Variants in DOCK9 observed in about 807,000 individuals in gnomAD.
DOCK9 encodes dedicator of cytokinesis protein 9.
DOCK9 carries 89 observed loss-of-function variants against 263.3 expected under a neutral mutation model. The observed-to-expected ratio is 0.34, with a 90% CI of 0.28 to 0.40. The LOEUF is 0.40. DOCK9 is among the 10% of genes least tolerant of loss of function. DOCK9 has a pLI of 1.00. For missense variants in DOCK9, 2,140 were observed against 2,603.4 expected (o/e 0.82, Z 3.87); for synonymous variants, 976 against 973.1 (o/e 1.00, Z -0.06).
intron 1 of DOCK9, among the ~76,000 whole-genome samples, chr13:98,968,418 C>T (rs757301026): frequency 6.6e-6 from 1 of 151,988 alleles, no homozygotes; most frequent in Admixed American, 6.6e-5. Context: ...GCCAAGAGTT[C>T]GAGACCAGAC....
intron 23 of DOCK9, among the ~76,000 whole-genome samples, chr13:98,882,698 C>T (rs1043544514): frequency 2.6e-5 from 4 of 152,200 alleles, no homozygotes; most frequent in Non-Finnish European, 5.9e-5. Context: ...CTACAATGAA[C>T]TAGAAGTTCC....
chr13:98,804,863 T>A, intron 49 of DOCK9, 136 bp downstream of exon 49: 1 of 781,824 alleles, frequency 1.3e-6, no homozygotes, highest in Non-Finnish European at 2.0e-6. Context: ...ACTAGATAAA[T>A]GTGAAACTGA....
At chr13:99,086,502 G>T in exon 1 of DOCK9, 1 of 365,744 alleles carries the variant, frequency 2.7e-6, no homozygotes, top group Non-Finnish European at 3.8e-6. Context: ...CGCGAGTCCG[G>T]CCGCCGCAGC....
intron 20 of DOCK9, 172 bp downstream of exon 20, chr13:98,885,536 T>A (rs375820565): frequency 6.1e-5 from 29 of 478,296 alleles, no homozygotes; most frequent in Admixed American, 1.3e-4. Context: ...GCTCAAAAAT[T>A]AAAAAAAAAA....
chr13:98,901,849 T>C lies in DOCK9; in HGVS notation c.1432A>G (p.Ile478Val), dbSNP rs1364714445. The C allele has an allele frequency of 6.2e-7, 1 of 1,612,878 alleles. No individual in the cohort carries two copies. Among genetic ancestry groups the C allele is most frequent in the African/African-American group, 1.3e-5 (1 of 74,934 alleles). ...ATGCTCCCCTGAAGGACTTTTTCAATTCTGGCCACAAGAAATATATCTGGA... is the reference window on the plus strand; with the variant it reads ...ATGCTCCCCTGAAGGACTTTTTCAACTCTGGCCACAAGAAATATATCTGGA... ...PHPDIFLVAR[I>V]EKVLQGSITH... The change falls in exon 13 of 53, where the codon ATT (isoleucine) becomes GTT (valine). Residue 478 changes from isoleucine to valine, a missense_variant. By Grantham distance (29) the Ile-to-Val change is conservative (BLOSUM62 3). Coordinates refer to ENST00000682017, the MANE Select transcript of DOCK9 (RefSeq NM_001366683.2).
At chr13:98,883,207 TGC>T in intron 22 of DOCK9, 76 bp from the exon 23 acceptor site, 1 of 1,278,978 alleles carries the variant, frequency 7.8e-7, no homozygotes, top group Non-Finnish European at 1.1e-6. Flanking sequence ...ATTTGTTTCT[TGC>T]AGCATGCTTT....
intron 32 of DOCK9, among the ~76,000 whole-genome samples, chr13:98,861,217 GCCA>G (rs1450956524): frequency 6.6e-6 from 1 of 152,180 alleles, no homozygotes; most frequent in East Asian, 1.9e-4. Context: ...CTTTAGAGCA[GCCA>G]CACATGCACA....
At chr13:99,086,412 C>A (rs1212504242) in exon 1 of DOCK9, 52 of 975,190 alleles carry the variant, frequency 5.3e-5, no homozygotes, top group Non-Finnish European at 6.2e-5. Flanking sequence ...GCCGCGCGGC[C>A]GCCAGGTGCG....
intron 52 of DOCK9, among the ~76,000 whole-genome samples, chr13:98,796,540 T>C (rs1289996953): frequency 6.6e-6 from 1 of 152,112 alleles, no homozygotes; most frequent in Non-Finnish European, 1.5e-5. Flanking sequence ...AGCCCACACA[T>C]AGAATCCTAC....
rs1037524971 is a variant in DOCK9, at chr13:98,880,682, A to G, written c.2746-10T>C. The G allele has an allele frequency of 6.2e-7, 1 of 1,612,030 alleles. No homozygotes were observed. The highest frequency in any genetic ancestry group is 1.3e-5 in the African/African-American group (1 of 74,902). On this transcript the variant is annotated splice_polypyrimidine_tract_variant and intron_variant, in intron 25 of 52. Coordinates refer to ENST00000682017, the MANE Select transcript of DOCK9 (RefSeq NM_001366683.2). ...CAGCCTTATACGCGTACTTTGAAGAAAAGAGAAAGAGACTTTAATGCACTG... is the reference window on the plus strand; with the variant it reads ...CAGCCTTATACGCGTACTTTGAAGAGAAGAGAAAGAGACTTTAATGCACTG...
intron 2 of DOCK9, 133 bp from the exon 3 acceptor site, chr13:98,930,390 C>A: frequency 1.4e-6 from 1 of 721,030 alleles, no homozygotes; most frequent in Non-Finnish European, 2.4e-6. Context: ...TCCAGTGCAG[C>A]TGCCTCCTTC....
chr13:98,921,627 A>C (rs771290481), intron 6 of DOCK9, among the ~76,000 whole-genome samples: 1 of 152,046 alleles, frequency 6.6e-6, no homozygotes, highest in Non-Finnish European at 1.5e-5. Flanking sequence ...TCTGTCTGCA[A>C]CCTTCTCTTC....
At chr13:99,013,433 T>TTGTAC (rs1884862279) in intron 1 of DOCK9, among the ~76,000 whole-genome samples, 1 of 152,228 alleles carries the variant, frequency 6.6e-6, no homozygotes, top group African/African-American at 2.4e-5. Context: ...CTTGTTCTTG[T>TTGTAC]TGTACTATAA....
chr13:98,869,891 G>A (rs2094143278), intron 27 of DOCK9, among the ~76,000 whole-genome samples: 1 of 152,236 alleles, frequency 6.6e-6, no homozygotes, highest in Non-Finnish European at 1.5e-5. Context: ...CAGTGAGCCA[G>A]CTTCTCAGCC....
chr13:99,015,662 C>G (rs963023064), intron 1 of DOCK9: 44 of 1,522,782 alleles, frequency 2.9e-5, no homozygotes, highest in Non-Finnish European at 3.9e-5. Context: ...TTTCCACATC[C>G]TCTTCCTTGG....
intron 1 of DOCK9, among the ~76,000 whole-genome samples, chr13:99,069,776 G>A (rs1016415023): frequency 5.3e-5 from 8 of 152,182 alleles, no homozygotes; most frequent in African/African-American, 1.9e-4. Context: ...TATGTTTAAT[G>A]ATTCAAGTTA....
At chr13:99,080,199 C>T (rs1372429537) in intron 1 of DOCK9, among the ~76,000 whole-genome samples, 2 of 152,144 alleles carry the variant, frequency 1.3e-5, no homozygotes, top group East Asian at 3.8e-4. Flanking sequence ...TTATTTGTAA[C>T]ACCATTTACT....
At chr13:98,807,867 G>A in intron 47 of DOCK9, 60 bp from the exon 48 acceptor site, 2 of 1,395,018 alleles carry the variant, frequency 1.4e-6, no homozygotes, top group South Asian at 1.8e-5. Flanking sequence ...TTACCACCTA[G>A]GAAGCGTTCT....
intron 1 of DOCK9, among the ~76,000 whole-genome samples, chr13:99,018,642 GAAGC>G (rs1368589287): frequency 6.6e-6 from 1 of 152,154 alleles, no homozygotes; most frequent in Admixed American, 6.5e-5. Flanking sequence ...CATGATAATA[GAAGC>G]AAGACAAAAT....
Sources: gnomAD v4.1 joint callset for allele counts (sites outside exome capture counted in the v4.1 genomes callset) on GRCh38, gnomAD v4.1.1 for gene constraint, MANE v1.5 for transcripts, NCBI Gene and HGNC (gene_info 2026-07-23, HGNC 2026-07-21) for gene names.